Variants in SLC4A3 observed in about 807,000 individuals in gnomAD.
The protein encoded by SLC4A3 is anion exchange protein 3.
Under a neutral mutation model 114.2 loss-of-function variants are expected in SLC4A3, and 47 were observed. That is an observed-to-expected ratio of 0.41 (90% CI 0.33 to 0.52). SLC4A3 has a LOEUF of 0.52. Among genes scored for constraint, SLC4A3 ranks in the 20% least tolerant of loss-of-function variants. The probability of loss-of-function intolerance (pLI) is 0.21; values close to 1 mark genes in which losing one functional copy is unlikely to be tolerated. For synonymous variants in SLC4A3, 693 were observed against 710.3 expected, an observed-to-expected ratio of 0.98 and a Z score of 0.39; for missense variants, 1,312 against 1,668.3, an observed-to-expected ratio of 0.79 and a Z score of 3.72.
rs573113566 is a variant in SLC4A3, at chr2:219,627,975, C to A, written c.-18C>A. On this transcript the variant is annotated 5_prime_UTR_variant, in exon 2 of 23. Transcript: ENST00000358055. ...GGTCCCCTAGTGAGCGAGAGCGTCC[C>A]CAGCCGCCTACCTGGCCATGGCCAA... The A allele has an allele frequency of 6.2e-7, 1 of 1,601,266 alleles. No homozygotes were observed. Among genetic ancestry groups the A allele is most frequent in the Non-Finnish European group, 8.5e-7 (1 of 1,174,792 alleles).
rs1203212240 is a variant in SLC4A3, at chr2:219,637,110, G to C, written c.2535+236G>C. 6.6e-6 allele frequency among the ~76,000 whole-genome samples: 1 copy of C among 152,060 alleles called. No homozygotes were observed. The highest frequency in any genetic ancestry group is 1.5e-5 in the Non-Finnish European group (1 of 67,982). On this transcript the variant is annotated intron_variant, in intron 16 of 22. Coordinates refer to ENST00000358055, the MANE Select transcript of SLC4A3 (RefSeq NM_005070.4). This position sits in a 1 kb window ranked among gnomAD's most constrained non-coding sequence, Gnocchi z 4.6. The stretch of plus-strand genomic sequence containing the variant: ...CACCTGGTTGGAGGCTTAGTAATAA[G>C]GACTCACTTGCACAGGTATGTGATG...
Position 219,629,744 on chromosome 2 carries a change from G to T in SLC4A3, c.611+49G>T, listed in dbSNP as rs762038248. The T allele has an allele frequency of 1.1e-5, 14 of 1,320,778 alleles. No individual in the cohort carries two copies. In the Admixed American group the frequency reaches 1.2e-4, roughly 12 times the overall value. 81.8% of individuals were successfully genotyped at this position (1,320,778 alleles called of 1,614,324 possible). Reference sequence around the variant, plus strand: ...GCAGGGCCCAGCCCAGAGCCACAGGGTCCAGAGCTCCTGGCAGTCACCTCC... The same window carrying T: ...GCAGGGCCCAGCCCAGAGCCACAGGTTCCAGAGCTCCTGGCAGTCACCTCC... On this transcript the variant is annotated intron_variant, in intron 5 of 22. Coordinates refer to ENST00000358055, the MANE Select transcript of SLC4A3 (RefSeq NM_005070.4).
Position 219,631,826 on chromosome 2 carries a change from T to TG in SLC4A3, c.812-139dup, listed in dbSNP as rs1192754675. On this transcript the variant is annotated intron_variant, in intron 6 of 22. Transcript: ENST00000358055. The surrounding 1 kb of genome is among the most constrained non-coding windows in gnomAD (Gnocchi z 6.3). ...TCTTCTTATCAATGAAATGGCCACA[T>TG]GGGATTATGTGGTTCCCGTCGGCAT... 1 of 904,664 alleles carries TG rather than the reference T, an allele frequency of 1.1e-6. No individual in the cohort carries two copies. Among genetic ancestry groups the TG allele is most frequent in the Non-Finnish European group, 1.7e-6 (1 of 591,256 alleles). The allele number at this position is 904,664 out of a possible 1,614,324, so 56.0% of individuals were successfully genotyped here. A position where few individuals can be genotyped will look rare whatever the true frequency, so the allele number is the denominator to read the frequency against.
chr2:219,635,602 T>C (rs746490390), intron 13 of SLC4A3, 71 bp from the exon 14 acceptor site: 12 of 1,480,802 alleles, frequency 8.1e-6, no homozygotes, highest in Admixed American at 2.0e-5. Flanking sequence ...TTTGCATCCC[T>C]GATCCCAACA....
Position 219,635,473 on chromosome 2 carries a change from G to T in SLC4A3, c.1949G>T (p.Gly650Val). 1 of 1,612,696 alleles carries T rather than the reference G, an allele frequency of 6.2e-7. No homozygotes were observed. Among genetic ancestry groups the T allele is most frequent in the East Asian group, 2.2e-5 (1 of 44,806 alleles). ...EQTKVEMTTR[G>V]GYTAPGKELS... is the part of the protein sequence containing the mutation. ...ACCAAAGTCGAGATGACCACACGGG[G>T]TGGCTACACGGCCCCTGGGAAAGGT... The change falls in exon 13 of 23, where the codon GGT (glycine) becomes GTT (valine). Residue 650 changes from glycine (G) to valine (V), a missense_variant. This residue lies in a region of SLC4A3 where 771 missense variants were observed against 977.7 expected (regional missense o/e 0.79). Coordinates refer to ENST00000358055, the MANE Select transcript of SLC4A3 (RefSeq NM_005070.4).
Position 219,638,789 on chromosome 2 carries a change from C to T in SLC4A3, c.2943C>T (p.Phe981=), listed in dbSNP as rs1446448927. 2 of 1,614,198 alleles carry T rather than the reference C, an allele frequency of 1.2e-6. No individual in the cohort carries two copies. Among genetic ancestry groups the T allele is most frequent in the African/African-American group, 1.3e-5 (1 of 75,070 alleles). The change falls in exon 19 of 23, where the codon TTC becomes TTT. Residue 981 remains phenylalanine (F), a synonymous_variant. Transcript: ENST00000358055. The surrounding 1 kb of genome is among the most constrained non-coding windows in gnomAD (Gnocchi z 7.5). The part of the protein sequence containing the change: ...FIPPLGSARP[F]PPWMMVAAAV... ...CACCCCTGGGCAGTGCCCGTCCTTTCCCGCCGTGGATGATGGTGGCAGCCG... is the reference window on the plus strand; with the variant it reads ...CACCCCTGGGCAGTGCCCGTCCTTTTCCGCCGTGGATGATGGTGGCAGCCG...
Position 219,632,329 on chromosome 2 carries a change from G to T in SLC4A3, c.1028G>T (p.Arg343Leu). 2.5e-6 allele frequency: 4 copies of T among 1,614,050 alleles called. No individual in the cohort carries two copies. The highest frequency in any genetic ancestry group is 3.4e-6 in the Non-Finnish European group (4 of 1,180,012). ...SQEPHWRETA[R>L]WIKFEEDVEE... Reference sequence around the variant, plus strand: ...GAGCCCCACTGGCGGGAGACGGCCCGCTGGATCAAGTTTGAGGAGGACGTG... The same window carrying T: ...GAGCCCCACTGGCGGGAGACGGCCCTCTGGATCAAGTTTGAGGAGGACGTG... Residue 343 changes from arginine (R) to leucine (L), a missense_variant, in exon 8 of 23, where the codon CGC (arginine) becomes CTC (leucine). Transcript: ENST00000358055.
In SLC4A3 at chr2:219,639,474, C is replaced by T. The variant is rs1699243085; in HGVS notation, c.3024-8C>T. 5.6e-6 allele frequency: 9 copies of T among 1,610,698 alleles called. No individual in the cohort carries two copies. Among genetic ancestry groups the T allele is most frequent in the Admixed American group, 1.7e-5 (1 of 59,988 alleles). On this transcript the variant is annotated splice_polypyrimidine_tract_variant and splice_region_variant and intron_variant, in intron 19 of 22. Coordinates refer to ENST00000358055, the MANE Select transcript of SLC4A3 (RefSeq NM_005070.4). This position sits in a 1 kb window ranked among gnomAD's most constrained non-coding sequence, Gnocchi z 5.9. ...AGCCACACCCCGCTCCCCACCTTCT[C>T]CCTGCAGGCTTATCGTCAGCCAGAA...
Position 219,637,522 on chromosome 2 carries a change from C to T in SLC4A3, c.2536-59C>T, listed in dbSNP as rs1025246200. 27 of 940,308 alleles carry T rather than the reference C, an allele frequency of 2.9e-5. 1 individual carries two copies. The highest frequency in any genetic ancestry group is 1.4e-4 in the East Asian group (6 of 41,386). 58.2% of individuals were successfully genotyped at this position (940,308 alleles called of 1,614,324 possible). On this transcript the variant is annotated intron_variant, in intron 16 of 22. Transcript: ENST00000358055. This position sits in a 1 kb window ranked among gnomAD's most constrained non-coding sequence, Gnocchi z 4.6. ...CTCTCTCTCACAGGTGTACTGATGACGATGAAGTCAGGTCACCTGCCAGGT... is the reference window on the plus strand; with the variant it reads ...CTCTCTCTCACAGGTGTACTGATGATGATGAAGTCAGGTCACCTGCCAGGT...
Position 219,636,961 on chromosome 2 carries a change from G to T in SLC4A3, c.2535+87G>T. The T allele has an allele frequency of 2.6e-6, 3 of 1,152,440 alleles. No homozygotes were observed. Among genetic ancestry groups the T allele is most frequent in the Non-Finnish European group, 3.8e-6 (3 of 787,148 alleles). 71.4% of individuals were successfully genotyped at this position (1,152,440 alleles called of 1,614,324 possible). ...ACAGCATGGGAGGGGGAGGTATGGA[G>T]AACTAGGGGACAAGGAGAGGGACTG... On this transcript the variant is annotated intron_variant, in intron 16 of 22. Coordinates refer to ENST00000358055, the MANE Select transcript of SLC4A3 (RefSeq NM_005070.4). The surrounding 1 kb of genome is among the most constrained non-coding windows in gnomAD (Gnocchi z 5.5).
Position 219,635,465 on chromosome 2 carries a change from C to G in SLC4A3, c.1941C>G (p.Thr647=). Reference sequence around the variant, plus strand: ...GTGAACAGACCAAAGTCGAGATGACCACACGGGGTGGCTACACGGCCCCTG... The same window carrying G: ...GTGAACAGACCAAAGTCGAGATGACGACACGGGGTGGCTACACGGCCCCTG... ...REREQTKVEM[T]TRGGYTAPGK... Residue 647 remains threonine (T), a synonymous_variant, in exon 13 of 23, where the codon ACC becomes ACG. Coordinates refer to ENST00000358055, the MANE Select transcript of SLC4A3 (RefSeq NM_005070.4). The G allele has an allele frequency of 1.2e-6, 2 of 1,613,492 alleles. No individual in the cohort carries two copies. The highest frequency in any genetic ancestry group is 2.2e-5 in the South Asian group (2 of 90,980).
rs1486775191 is a variant in SLC4A3 at position 219,632,971 on chromosome 2, C to G, written c.1239C>G (p.Asp413Glu). The change falls in exon 9 of 23, where the codon GAC (aspartate) becomes GAG (glutamate). Residue 413 changes from aspartate (D) to glutamate (E), a missense_variant. By Grantham distance (45) the Asp-to-Glu change is conservative. Transcript: ENST00000358055. Reference sequence around the variant, plus strand: ...TGTCTGACCAGATCCGGCCGGAGGACAGGGCCAGCGTCCTACGTACCCTGC... The same window carrying G: ...TGTCTGACCAGATCCGGCCGGAGGAGAGGGCCAGCGTCCTACGTACCCTGC... ...MIVSDQIRPE[D>E]RASVLRTLLL... 3.4e-5 allele frequency: 55 copies of G among 1,614,066 alleles called. No individual in the cohort carries two copies. Among genetic ancestry groups the G allele is most frequent in the Non-Finnish European group, 4.7e-5 (55 of 1,180,028 alleles).
chr2:219,638,612 C>A lies in SLC4A3; in HGVS notation c.2857-91C>A. 1 of 1,365,710 alleles carries A rather than the reference C, an allele frequency of 7.3e-7. No individual in the cohort carries two copies. Among genetic ancestry groups the A allele is most frequent in the Non-Finnish European group, 1.0e-6 (1 of 983,088 alleles). 84.6% of individuals were successfully genotyped at this position (1,365,710 alleles called of 1,614,324 possible). On this transcript the variant is annotated intron_variant, in intron 18 of 22. Coordinates refer to ENST00000358055, the MANE Select transcript of SLC4A3 (RefSeq NM_005070.4). This position sits in a 1 kb window ranked among gnomAD's most constrained non-coding sequence, Gnocchi z 7.5. ...TGTTCACACCCCAGCTCCCTGAAGT[C>A]CTGGACTGGGGACGCAGCTTAGTGG...
intron 11 of SLC4A3, 21 bp from the exon 12 acceptor site, chr2:219,634,399 T>C: frequency 1.9e-6 from 3 of 1,612,778 alleles, no homozygotes; most frequent in Non-Finnish European, 2.5e-6. Context: ...CCCAGCGCCC[T>C]GTGCTTTCCT....
chr2:219,629,077 T>C lies in SLC4A3; in HGVS notation c.218-67T>C, dbSNP rs1328053206. The C allele has an allele frequency of 2.7e-6, 4 of 1,495,570 alleles. No homozygotes were observed. In the African/African-American group the frequency reaches 5.6e-5, roughly 21 times the overall value. 92.6% of individuals were successfully genotyped at this position (1,495,570 alleles called of 1,614,324 possible). On this transcript the variant is annotated intron_variant, in intron 3 of 22. Coordinates refer to ENST00000358055, the MANE Select transcript of SLC4A3 (RefSeq NM_005070.4). Reference sequence around the variant, plus strand: ...TTGCGGCCTTGAGCTGGAAGGTGTGTGCCCTCGGGTGGGGAGGGCCCCTGT... The same window carrying C: ...TTGCGGCCTTGAGCTGGAAGGTGTGCGCCCTCGGGTGGGGAGGGCCCCTGT...
rs780872954 is a variant in SLC4A3 at position 219,632,303 on chromosome 2, G to A, written c.1002G>A (p.Gln334=). 1 of 1,614,142 alleles carries A rather than the reference G, an allele frequency of 6.2e-7. No individual in the cohort carries two copies. The highest frequency in any genetic ancestry group is 1.1e-5 in the South Asian group (1 of 91,078). ...ACGAGCTGATGCTGGACCGCAGCCA[G>A]GAGCCCCACTGGCGGGAGACGGCCC... ...ELNELMLDRS[Q]EPHWRETARW... is the part of the protein sequence containing the mutation. The change falls in exon 8 of 23, where the codon CAG becomes CAA. Residue 334 remains glutamine (Q), a synonymous_variant. Coordinates refer to ENST00000358055, the MANE Select transcript of SLC4A3 (RefSeq NM_005070.4).
Position 219,638,752 on chromosome 2 carries a change from C to T in SLC4A3, c.2906C>T (p.Ser969Leu), listed in dbSNP as rs773722058. The T allele has an allele frequency of 8.7e-6, 14 of 1,614,140 alleles. No homozygotes were observed. Among genetic ancestry groups the T allele is most frequent in the East Asian group, 2.2e-5 (1 of 44,862 alleles). Residue 969 changes from serine to leucine, a missense_variant, in exon 19 of 23, where the codon TCG becomes TTG. Around this residue, in one of 4 missense-constraint regions of SLC4A3, gnomAD observed 301 missense variants for 460.7 expected, o/e 0.65. Transcript: ENST00000358055. The surrounding 1 kb of genome is among the most constrained non-coding windows in gnomAD (Gnocchi z 7.5). ...GLSVTSPDKR[S>L]WFIPPLGSAR... ...TCAGTGACCTCTCCCGATAAGCGCT[C>T]GTGGTTCATCCCACCCCTGGGCAGT...
Position 219,638,879 on chromosome 2 carries a change from ATGGGAGGAGGAGG to A in SLC4A3, c.3023+18_3023+30del, listed in dbSNP as rs777121055. The A allele has an allele frequency of 3.2e-5, 51 of 1,612,294 alleles. No individual in the cohort carries two copies. The South Asian group carries it at 5.3e-4, about 17-fold the overall frequency. The stretch of plus-strand genomic sequence containing the variant: ...AGACACAGATCACGGCGTGAGAGAG[ATGGGAGGAGGAGG>A]TGGGAGGGACGAGGCCAAGCTCCTT... On this transcript the variant is annotated intron_variant, in intron 19 of 22. Transcript: ENST00000358055. The surrounding 1 kb of genome is among the most constrained non-coding windows in gnomAD (Gnocchi z 7.5).
At chr2:219,629,811 A>G (rs1264360039) in intron 5 of SLC4A3, 116 bp downstream of exon 5, 1 of 301,854 alleles carries the variant, frequency 3.3e-6, no homozygotes, top group Non-Finnish European at 6.1e-6. Flanking sequence ...ACCCTGAGAA[A>G]AGAGGAGCAG....
Sources: allele counts gnomAD v4.1 joint callset (sites outside exome capture counted in the v4.1 genomes callset), GRCh38; gene constraint gnomAD v4.1.1; regional missense constraint gnomAD v4.1.1; non-coding constraint Gnocchi (gnomAD v3.1); transcripts MANE v1.5; gene names NCBI Gene and HGNC (gene_info 2026-07-23, HGNC 2026-07-21).